The following MAGI2 variants were observed in gnomAD, a reference collection of about 807,000 sequenced individuals.
MAGI2 encodes the protein membrane associated guanylate kinase, WW and PDZ domain containing 2.
Under a neutral mutation model 133.3 loss-of-function variants are expected in MAGI2, and 35 were observed. The ratio of observed to expected loss-of-function variants is 0.26; its 90% CI spans 0.20 to 0.35. The LOEUF is 0.35. Among genes scored for constraint, MAGI2 ranks in the 10% least tolerant of loss-of-function variants. The pLI, the probability that MAGI2 is intolerant of heterozygous loss-of-function variation, is 1.00. For synonymous variants in MAGI2, 729 were observed against 710.6 expected (o/e 1.03, Z -0.41); for missense variants, 1,636 against 1,863.4 (o/e 0.88, Z 2.25).
intron 20 of MAGI2, among the ~76,000 whole-genome samples, chr7:78,105,068 T>C (rs1257196282): frequency 6.6e-6 from 1 of 152,188 alleles, no homozygotes; most frequent in African/African-American, 2.4e-5. Flanking sequence ...TATGGCTATA[T>C]CCCTCAATAA....
intron 3 of MAGI2, among the ~76,000 whole-genome samples, chr7:78,573,035 GTATATATATATATATATATATA>G (rs765938732): frequency 2.6e-3 from 81 of 31,688 alleles, no homozygotes; most frequent in Admixed American, 0.015. Context: ...GCATATGTAT[GTATATATATATATATATATATA>G]TATATATATA....
At chr7:78,873,707 C>G (rs1217776878) in intron 2 of MAGI2, among the ~76,000 whole-genome samples, 1 of 152,126 alleles carries the variant, frequency 6.6e-6, no homozygotes. Context: ...CTCCCTTGCC[C>G]TGTCTGTGGA....
chr7:79,269,553 A>G (rs1466469513), intron 1 of MAGI2, among the ~76,000 whole-genome samples: 1 of 152,198 alleles, frequency 6.6e-6, no homozygotes, highest in Admixed American at 6.5e-5. Context: ...ATAAAAATCA[A>G]TGTGGGTGGA....
At chr7:78,985,366 A>T (rs1465525597) in intron 2 of MAGI2, among the ~76,000 whole-genome samples, 2 of 152,108 alleles carry the variant, frequency 1.3e-5, no homozygotes, top group African/African-American at 4.8e-5. Context: ...AGAATCAATT[A>T]TACAGTTCAA....
At chr7:79,373,280 GATTA>G (rs1355830361) in intron 1 of MAGI2, among the ~76,000 whole-genome samples, 4 of 151,786 alleles carry the variant, frequency 2.6e-5, no homozygotes, top group Non-Finnish European at 2.9e-5. Context: ...ATTGAATAAA[GATTA>G]ATTAAAATAT....
chr7:78,249,015 G>C (rs1792095178), intron 10 of MAGI2, among the ~76,000 whole-genome samples: 1 of 151,600 alleles, frequency 6.6e-6, no homozygotes, highest in African/African-American at 2.4e-5. Flanking sequence ...AACTCAAACA[G>C]CTTAACAGCT....
At chr7:78,748,434 C>G (rs1207881) in intron 2 of MAGI2, among the ~76,000 whole-genome samples, 1 of 151,930 alleles carries the variant, frequency 6.6e-6, no homozygotes, top group East Asian at 1.9e-4. Context: ...GTCTTATGAG[C>G]GCAGTCCTAT....
chr7:78,410,911 A>T (rs1475700918), intron 6 of MAGI2, among the ~76,000 whole-genome samples: 1 of 152,062 alleles, frequency 6.6e-6, no homozygotes, highest in Non-Finnish European at 1.5e-5. Flanking sequence ...AAATATAAGC[A>T]TAAACAATGT....
rs181590699 is a variant in MAGI2 at position 78,037,682 on chromosome 7, C to A, written c.3707-17706G>T. ...ACTATCCTTACAGATGGTGGTTTAT[C>A]AAGCCTTGAATTTTTATAGGTGTGT... On this transcript the variant is annotated intron_variant, in intron 21 of 21. Transcript: ENST00000354212. 3.3e-3 allele frequency among the ~76,000 whole-genome samples: 498 copies of A among 152,276 alleles called. 1 individual carries two copies. The highest frequency in any genetic ancestry group is 0.01 in the South Asian group (50 of 4,820).
intron 1 of MAGI2, among the ~76,000 whole-genome samples, chr7:79,073,633 C>T (rs1377780541): frequency 6.6e-6 from 1 of 151,964 alleles, no homozygotes; most frequent in Non-Finnish European, 1.5e-5. Flanking sequence ...TCATTTTGCA[C>T]AATACTGCAG....
chr7:78,162,646 G>A (rs761653078), intron 15 of MAGI2, among the ~76,000 whole-genome samples: 3 of 152,122 alleles, frequency 2.0e-5, no homozygotes, highest in Admixed American at 2.0e-4. Flanking sequence ...TCAATGTGAG[G>A]ATTCCCTGGG....
intron 2 of MAGI2, among the ~76,000 whole-genome samples, chr7:78,845,176 A>G (rs1792482991): frequency 6.6e-6 from 1 of 151,954 alleles, no homozygotes; most frequent in Non-Finnish European, 1.5e-5. Flanking sequence ...CTGAAAGAAT[A>G]TATTTCTATA....
chr7:78,716,193 T>A (rs2151188407), intron 2 of MAGI2, among the ~76,000 whole-genome samples: 1 of 152,358 alleles, frequency 6.6e-6, no homozygotes, highest in Admixed American at 6.5e-5. Context: ...GCAGTTCTTT[T>A]CCCACAGAGC....
rs1797617732 is a variant in MAGI2, at chr7:78,533,298, A to G, written c.539-11653T>C. 2.6e-5 allele frequency among the ~76,000 whole-genome samples: 4 copies of G among 152,360 alleles called. No individual in the cohort carries two copies. The South Asian group carries it at 8.3e-4, about 32-fold the overall frequency. ...GTTTACTTAGAAAACCTGTTGAATTACTGAGAAACGAGCACAGTAGGGAAA... is the reference window on the plus strand; with the variant it reads ...GTTTACTTAGAAAACCTGTTGAATTGCTGAGAAACGAGCACAGTAGGGAAA... On this transcript the variant is annotated intron_variant, in intron 3 of 21. Coordinates refer to ENST00000354212, the MANE Select transcript of MAGI2 (RefSeq NM_012301.4).
At chr7:79,369,355 A>T (rs1842922174) in intron 1 of MAGI2, among the ~76,000 whole-genome samples, 1 of 152,192 alleles carries the variant, frequency 6.6e-6, no homozygotes, top group African/African-American at 2.4e-5. Context: ...CATTACCCTA[A>T]TGAAACCACT....
intron 2 of MAGI2, among the ~76,000 whole-genome samples, chr7:78,968,705 A>T (rs1803532416): frequency 6.6e-6 from 1 of 152,058 alleles, no homozygotes; most frequent in African/African-American, 2.4e-5. Context: ...TTTATTTATC[A>T]ATTATGAGAT....
intron 2 of MAGI2, among the ~76,000 whole-genome samples, chr7:78,952,512 A>G (rs1801955368): frequency 6.6e-6 from 1 of 152,162 alleles, no homozygotes; most frequent in Non-Finnish European, 1.5e-5. Context: ...CGTGCTGAAA[A>G]TAACTGCCCC....
chr7:79,147,189 C>T (rs958108082), intron 1 of MAGI2, among the ~76,000 whole-genome samples: 1 of 152,140 alleles, frequency 6.6e-6, no homozygotes, highest in South Asian at 2.1e-4. Flanking sequence ...AAGAATCATT[C>T]CAGACAATGT....
At chr7:79,160,373 A>T (rs1288692907) in intron 1 of MAGI2, among the ~76,000 whole-genome samples, 2 of 152,072 alleles carry the variant, frequency 1.3e-5, no homozygotes, top group Non-Finnish European at 2.9e-5. Context: ...TCTAAGCCCC[A>T]TGGTTACCAA....
Sources: allele counts gnomAD v4.1 joint callset (sites outside exome capture counted in the v4.1 genomes callset), GRCh38; gene constraint gnomAD v4.1.1; transcripts MANE v1.5; gene names NCBI Gene and HGNC (gene_info 2026-07-23, HGNC 2026-07-21).